Variants in PFKFB3 observed in about 807,000 individuals in gnomAD.
PFKFB3 encodes the protein 6-phosphofructo-2-kinase/fructose-2,6-biphosphatase 3, also known as 6-phosphofructo-2-kinase/fructose-2,6-bisphosphatase 3.
PFKFB3 carries 33 observed loss-of-function variants against 68.0 expected under a neutral mutation model. The observed-to-expected ratio is 0.49, with a 90% CI of 0.37 to 0.65. PFKFB3 has a LOEUF of 0.65. PFKFB3 is among the 30% of genes least tolerant of loss of function. PFKFB3 has a pLI of 0.00. For missense variants in PFKFB3, 586 were observed against 712.2 expected, an observed-to-expected ratio of 0.82 and a Z score of 2.02; for synonymous variants, 315 against 288.2, an observed-to-expected ratio of 1.09 and a Z score of -0.94.
At chr10:6,276,762 G>T in the PFKFB3 span, among the ~76,000 whole-genome samples, 1 of 151,956 alleles carries the variant, frequency 6.6e-6, no homozygotes, top group African/African-American at 2.4e-5. Context: ...ATCTTACATA[G>T]CTACAGTACA....
At chr10:6,279,087 G>A in the PFKFB3 span, among the ~76,000 whole-genome samples, 3 of 152,184 alleles carry the variant, frequency 2.0e-5, no homozygotes, top group Non-Finnish European at 2.9e-5. Flanking sequence ...ACTATGAATA[G>A]ATCATTGATG....
chr10:6,325,740 A>C, the PFKFB3 span, among the ~76,000 whole-genome samples: 2 of 152,362 alleles, frequency 1.3e-5, no homozygotes, highest in Admixed American at 1.3e-4. Context: ...AATCCTTCTA[A>C]GAGAATGATC....
intron 1 of PFKFB3, among the ~76,000 whole-genome samples, chr10:6,166,875 G>A (rs998363607): frequency 6.8e-6 from 1 of 147,118 alleles, no homozygotes; most frequent in African/African-American, 2.5e-5. Context: ...TGTTGCCTAG[G>A]CTAGAGTGCA....
rs768895564 is a variant in PFKFB3, at chr10:6,221,473, C to T, written c.924C>T (p.Ala308=). 1.9e-5 allele frequency: 31 copies of T among 1,613,576 alleles called. No individual in the cohort carries two copies. The highest frequency in any genetic ancestry group is 1.2e-4 in the South Asian group (11 of 91,090). ...TSQLKSTIQT[A]EALRLPYEQW... is the part of the protein sequence containing the mutation. ...AGCTGAAGAGCACCATCCAGACGGCCGAGGCGCTGCGGCTGCCCTACGAGC... is the reference window on the plus strand; with the variant it reads ...AGCTGAAGAGCACCATCCAGACGGCTGAGGCGCTGCGGCTGCCCTACGAGC... Residue 308 remains alanine (A), a synonymous_variant, in exon 9 of 15, where the codon GCC becomes GCT. Transcript: ENST00000379775.
chr10:6,149,323 C>A (rs991451733), intron 1 of PFKFB3, among the ~76,000 whole-genome samples: 1 of 152,106 alleles, frequency 6.6e-6, no homozygotes, highest in African/African-American at 2.4e-5. Context: ...TGCGGTGGCT[C>A]ATGCCTATAA....
At chr10:6,231,067 A>G (rs1364744158) in intron 14 of PFKFB3, among the ~76,000 whole-genome samples, 3 of 152,026 alleles carry the variant, frequency 2.0e-5, no homozygotes, top group Admixed American at 1.3e-4. Flanking sequence ...GGGACGAACA[A>G]CTGTCCGGAC....
At chr10:6,177,463 T>C in intron 1 of PFKFB3, among the ~76,000 whole-genome samples, 1 of 129,020 alleles carries the variant, frequency 7.8e-6, no homozygotes, top group South Asian at 2.7e-4. Flanking sequence ...TTTCTTTCTT[T>C]CTTTCTTTCT....
chr10:6,177,974 C>T (rs991652363), intron 1 of PFKFB3, among the ~76,000 whole-genome samples: 2 of 152,108 alleles, frequency 1.3e-5, no homozygotes, highest in African/African-American at 4.8e-5. Flanking sequence ...ACCTGAGGTG[C>T]ACACGTGAGG....
At chr10:6,166,195 TGGCCTCGAA>T (rs1842133521) in intron 1 of PFKFB3, among the ~76,000 whole-genome samples, 1 of 152,144 alleles carries the variant, frequency 6.6e-6, no homozygotes, top group Non-Finnish European at 1.5e-5. Context: ...TTGGCCAGGC[TGGCCTCGAA>T]CACCTGAGCT....
intron 1 of PFKFB3, among the ~76,000 whole-genome samples, chr10:6,183,941 C>CG (rs1842797005): frequency 1.3e-5 from 2 of 151,882 alleles, no homozygotes; most frequent in Non-Finnish European, 2.9e-5. Context: ...CCACCCGCCT[C>CG]GCCCTCCCAA....
chr10:6,224,908 T>C (rs1845227315), intron 13 of PFKFB3, among the ~76,000 whole-genome samples: 1 of 150,588 alleles, frequency 6.6e-6, no homozygotes, highest in Non-Finnish European at 1.5e-5. Context: ...AGCGCCGCCA[T>C]GTGCTTGTGA....
intron 1 of PFKFB3, among the ~76,000 whole-genome samples, chr10:6,175,922 T>C (rs1842452003): frequency 6.6e-6 from 1 of 152,252 alleles, no homozygotes; most frequent in East Asian, 1.9e-4. Context: ...ACAATCATCT[T>C]GGCAGCATTT....
At chr10:6,280,466 G>T in the PFKFB3 span, among the ~76,000 whole-genome samples, 1 of 152,216 alleles carries the variant, frequency 6.6e-6, no homozygotes, top group African/African-American at 2.4e-5. Context: ...GGCTCTCAGT[G>T]CTCACCAATA....
At chr10:6,303,844 A>G in the PFKFB3 span, among the ~76,000 whole-genome samples, 7 of 152,058 alleles carry the variant, frequency 4.6e-5, no homozygotes, top group Non-Finnish European at 8.8e-5. Context: ...AAAATGAAAA[A>G]TAAGTGTTGA....
intron 14 of PFKFB3, among the ~76,000 whole-genome samples, chr10:6,242,206 A>G (rs1307643804): frequency 2.0e-5 from 3 of 152,308 alleles, no homozygotes; most frequent in East Asian, 3.9e-4. Flanking sequence ...TTTCATAAGG[A>G]AAATCTGTTC....
chr10:6,183,757 G>A (rs973357221), intron 1 of PFKFB3, among the ~76,000 whole-genome samples: 3 of 149,376 alleles, frequency 2.0e-5, no homozygotes, highest in East Asian at 2.0e-4. Flanking sequence ...GCGTGATCTC[G>A]GCTCACTGCA....
At chr10:6,325,561 C>G in the PFKFB3 span, among the ~76,000 whole-genome samples, 3 of 152,102 alleles carry the variant, frequency 2.0e-5, no homozygotes, top group Non-Finnish European at 4.4e-5. Context: ...ATACACTACA[C>G]CATTTCAATC....
At chr10:6,301,931 C>T in the PFKFB3 span, among the ~76,000 whole-genome samples, 1 of 152,194 alleles carries the variant, frequency 6.6e-6, no homozygotes, top group Non-Finnish European at 1.5e-5. Context: ...AGTTCCCCAC[C>T]ACACAGGTTA....
intron 1 of PFKFB3, 32 bp downstream of exon 1, chr10:6,203,368 G>C: frequency 6.5e-7 from 1 of 1,547,180 alleles, no homozygotes; most frequent in Non-Finnish European, 8.8e-7. Flanking sequence ...CGGGTTGCAG[G>C]GCGGGCTGCG....
Sources: allele counts gnomAD v4.1 joint callset (sites outside exome capture counted in the v4.1 genomes callset), GRCh38; gene constraint gnomAD v4.1.1; transcripts MANE v1.5; gene names NCBI Gene and HGNC (gene_info 2026-07-23, HGNC 2026-07-21).